The following KLHL29 variants were observed in gnomAD, a reference collection of about 807,000 sequenced individuals.
KLHL29 encodes kelch like family member 29, also known as kelch-like protein 29.
KLHL29 carries 21 observed loss-of-function variants against 80.4 expected under a neutral mutation model. The observed-to-expected ratio is 0.26, with a 90% confidence interval of 0.19 to 0.38. The LOEUF is 0.38. KLHL29 is among the 10% of genes least tolerant of loss of function. The pLI is 1.00. For synonymous variants in KLHL29, 511 were observed against 526.8 expected (o/e 0.97, Z 0.41); for missense variants, 867 against 1,223.9 (o/e 0.71, Z 4.35).
At chr2:23,597,117 T>G (rs1276254885) in intron 3 of KLHL29, among the ~76,000 whole-genome samples, 1 of 152,016 alleles carries the variant, frequency 6.6e-6, no homozygotes, top group East Asian at 1.9e-4. Flanking sequence ...GAAGACTGTC[T>G]TTTAAAAAGG....
intron 1 of KLHL29, among the ~76,000 whole-genome samples, chr2:23,406,778 C>A (rs925784776): frequency 2.0e-5 from 3 of 152,092 alleles, no homozygotes; most frequent in Admixed American, 2.0e-4. Context: ...AGATATGAGA[C>A]TTATGTGAGA....
intron 2 of KLHL29, among the ~76,000 whole-genome samples, chr2:23,486,126 A>G (rs1440920529): frequency 2.0e-5 from 3 of 152,186 alleles, no homozygotes; most frequent in African/African-American, 4.8e-5. Context: ...TTGGCCCACC[A>G]GATCCCAGAC....
chr2:23,648,715 A>G (rs982170595), intron 5 of KLHL29, among the ~76,000 whole-genome samples: 3 of 152,200 alleles, frequency 2.0e-5, no homozygotes, highest in Admixed American at 6.5e-5. Context: ...CCACGTCAAT[A>G]GATGGGACCA....
chr2:23,492,052 C>T (rs1665118980), intron 2 of KLHL29, among the ~76,000 whole-genome samples: 1 of 152,182 alleles, frequency 6.6e-6, no homozygotes, highest in Non-Finnish European at 1.5e-5. Flanking sequence ...TTTTTCCCTC[C>T]AGTTCCTCTG....
chr2:23,553,601 A>G (rs1395869926), intron 2 of KLHL29, among the ~76,000 whole-genome samples: 4 of 152,234 alleles, frequency 2.6e-5, no homozygotes, highest in African/African-American at 7.2e-5. Context: ...GTGAAGGGCC[A>G]GGGCTAGATG....
At chr2:23,402,472 C>T (rs1666618976) in intron 1 of KLHL29, among the ~76,000 whole-genome samples, 1 of 152,200 alleles carries the variant, frequency 6.6e-6, no homozygotes, top group Admixed American at 6.5e-5. Context: ...CTAGGGGCCC[C>T]TGGTGAAAGC....
chr2:23,557,831 A>G (rs1441185165), intron 2 of KLHL29, among the ~76,000 whole-genome samples: 1 of 152,176 alleles, frequency 6.6e-6, no homozygotes, highest in Non-Finnish European at 1.5e-5. Context: ...GTAGGAAGGT[A>G]GGGACTGATT....
intron 3 of KLHL29, among the ~76,000 whole-genome samples, chr2:23,613,376 AG>A (rs1383395704): frequency 1.3e-5 from 2 of 152,252 alleles, no homozygotes; most frequent in African/African-American, 2.4e-5. Context: ...GAAGGCAAAA[AG>A]ATATACTATG....
intron 1 of KLHL29, among the ~76,000 whole-genome samples, chr2:23,456,094 GA>G (rs1253102388): frequency 6.6e-6 from 1 of 152,202 alleles, no homozygotes; most frequent in Non-Finnish European, 1.5e-5. Flanking sequence ...AGAACTGTGA[GA>G]AAATAAATTC....
intron 1 of KLHL29, among the ~76,000 whole-genome samples, chr2:23,395,991 C>T (rs1303882280): frequency 6.6e-6 from 1 of 152,204 alleles, no homozygotes; most frequent in African/African-American, 2.4e-5. Flanking sequence ...TTCTTCACCG[C>T]AGGTAGGCGT....
chr2:23,563,401 G>T (rs1667501318), intron 3 of KLHL29, among the ~76,000 whole-genome samples: 1 of 152,248 alleles, frequency 6.6e-6, no homozygotes, highest in African/African-American at 2.4e-5. Context: ...TGTGCAGGCT[G>T]CCTTTGCCTC....
chr2:23,426,193 C>T (rs1663000054), intron 1 of KLHL29, among the ~76,000 whole-genome samples: 1 of 152,182 alleles, frequency 6.6e-6, no homozygotes, highest in African/African-American at 2.4e-5. Context: ...ACTTACGCAA[C>T]AGCAGAAACC....
intron 2 of KLHL29, among the ~76,000 whole-genome samples, chr2:23,531,259 C>T (rs1666482077): frequency 6.6e-6 from 1 of 152,226 alleles, no homozygotes; most frequent in Non-Finnish European, 1.5e-5. Context: ...CTGTGGGTTC[C>T]ATTAACCAAA....
At position 23,562,469 on chromosome 2, in the gene KLHL29, G is replaced by T; in HGVS notation, c.273G>T (p.Ala91=). ...GCCTCGTGGCCAGCTCTGCGTCTGC[G>T]GTCACCACCAAGGTAAGATGTGGTG... is the stretch of plus-strand genomic sequence containing the variant. The part of the protein sequence containing the change: ...ITSLVASSAS[A]VTTKAPGISK... Residue 91 remains alanine (A), a synonymous_variant, in exon 3 of 14, where the codon GCG becomes GCT. Coordinates refer to ENST00000486442, the MANE Select transcript of KLHL29 (RefSeq NM_052920.2). This position sits in a 1 kb window ranked among gnomAD's most constrained non-coding sequence, Gnocchi z 4.5. 1 of 1,535,970 alleles carries T rather than the reference G, an allele frequency of 6.5e-7. No individual in the cohort carries two copies.
At chr2:23,589,200 T>C (rs1055534025) in intron 3 of KLHL29, among the ~76,000 whole-genome samples, 6 of 152,274 alleles carry the variant, frequency 3.9e-5, no homozygotes, top group African/African-American at 1.4e-4. Flanking sequence ...CCTGGGCTTG[T>C]GCCTTGCCTG....
At chr2:23,559,838 T>G in intron 2 of KLHL29, among the ~76,000 whole-genome samples, 5 of 149,812 alleles carry the variant, frequency 3.3e-5, no homozygotes, top group East Asian at 3.9e-4. Flanking sequence ...GAGGAGGAGA[T>G]CTGGAACCCG....
intron 1 of KLHL29, among the ~76,000 whole-genome samples, chr2:23,465,341 T>TGCCTCTCACCTGCTCAC (rs1241862101): frequency 6.6e-6 from 1 of 152,234 alleles, no homozygotes; most frequent in African/African-American, 2.4e-5. Context: ...CACCTGCTCA[T>TGCCTCTCACCTGCTCAC]GCCTCTCACC....
At chr2:23,554,434 G>T (rs933026049) in intron 2 of KLHL29, among the ~76,000 whole-genome samples, 1 of 152,200 alleles carries the variant, frequency 6.6e-6, no homozygotes, top group Non-Finnish European at 1.5e-5. Context: ...AGACAGCGCG[G>T]GTCCCCTGCC....
chr2:23,665,865 G>A (rs1464019681), intron 5 of KLHL29, among the ~76,000 whole-genome samples: 1 of 152,132 alleles, frequency 6.6e-6, no homozygotes, highest in Non-Finnish European at 1.5e-5. Flanking sequence ...CTCCCACCAG[G>A]CCCCACCGCC....
Sources: allele counts gnomAD v4.1 joint callset (sites outside exome capture counted in the v4.1 genomes callset), GRCh38; gene constraint gnomAD v4.1.1; non-coding constraint Gnocchi (gnomAD v3.1); transcripts MANE v1.5; gene names NCBI Gene and HGNC (gene_info 2026-07-23, HGNC 2026-07-21).